CACNA2D2: variants seen among roughly 807,000 people sequenced by gnomAD.
CACNA2D2 encodes voltage-dependent calcium channel subunit alpha-2/delta-2.
Under a neutral mutation model 166.4 loss-of-function variants are expected in CACNA2D2, and 48 were observed. The observed-to-expected ratio is 0.29, with a 90% CI of 0.23 to 0.37. The LOEUF (loss-of-function observed/expected upper bound fraction) is 0.37, where lower values mean the gene tolerates loss of function less well. Ranked by LOEUF, CACNA2D2 falls within the 10% of genes least tolerant of loss-of-function variation. The pLI, the probability that CACNA2D2 is intolerant of heterozygous loss-of-function variation, is 1.00. For synonymous variants in CACNA2D2, 561 were observed against 573.7 expected (o/e 0.98, Z 0.32); for missense variants, 1,122 against 1,433.0 (o/e 0.78, Z 3.50).
Position 50,378,337 on chromosome 3 carries a change from T to C in CACNA2D2, c.1340-4A>G. ...GAAGGGATCTCAAAATAGTAGCCTG[T>C]GAAGGAAGGAGAGGCAGAGGTGGGC... On this transcript the variant is annotated splice_polypyrimidine_tract_variant and splice_region_variant and intron_variant, in intron 13 of 37. Coordinates refer to ENST00000424201, the MANE Select transcript of CACNA2D2 (RefSeq NM_006030.4). 7.1e-6 allele frequency: 11 copies of C among 1,551,588 alleles called. No homozygotes were observed. The highest frequency in any genetic ancestry group is 9.6e-6 in the Non-Finnish European group (11 of 1,147,116).
At chr3:50,484,774 C>T (rs923351418) in intron 1 of CACNA2D2, among the ~76,000 whole-genome samples, 3 of 152,370 alleles carry the variant, frequency 2.0e-5, no homozygotes, top group Admixed American at 6.5e-5. Context: ...GGCTGTGAGC[C>T]CTGAGCCAGG....
At chr3:50,406,916 C>T (rs1706740408) in intron 3 of CACNA2D2, among the ~76,000 whole-genome samples, 2 of 151,860 alleles carry the variant, frequency 1.3e-5, no homozygotes, top group South Asian at 2.1e-4. Context: ...ACAACTCATT[C>T]TTCACCTTTC....
chr3:50,482,155 G>T (rs1051275489), intron 1 of CACNA2D2, among the ~76,000 whole-genome samples: 1 of 152,190 alleles, frequency 6.6e-6, no homozygotes, highest in Non-Finnish European at 1.5e-5. Context: ...CCTGGAGAAG[G>T]CGTGCTTCCC....
In CACNA2D2 at chr3:50,447,640, G is replaced by A. The variant is rs191916052; in HGVS notation, c.289-13211C>T. Among the ~76,000 whole-genome samples, 29 of 152,252 alleles carry A rather than the reference G, an allele frequency of 1.9e-4. No individual in the cohort carries two copies. In the East Asian group the frequency reaches 4.3e-3, roughly 22 times the overall value. ...AGTCCGCCCCTGGGGCCTGCAGGGC[G>A]TGACTGGGGCAAGTGGCCTGAGTTG... On this transcript the variant is annotated intron_variant, in intron 2 of 37. Coordinates refer to ENST00000424201, the MANE Select transcript of CACNA2D2 (RefSeq NM_006030.4).
At chr3:50,499,885 G>C (rs754969311) in intron 1 of CACNA2D2, among the ~76,000 whole-genome samples, 2 of 152,260 alleles carry the variant, frequency 1.3e-5, no homozygotes, top group Admixed American at 6.5e-5. Context: ...CAGCAGCCAA[G>C]GGTCCCCCCA....
At chr3:50,462,877 A>T (rs1389647617) in intron 2 of CACNA2D2, among the ~76,000 whole-genome samples, 1 of 147,734 alleles carries the variant, frequency 6.8e-6, no homozygotes, top group African/African-American at 2.7e-5. Context: ...TCCATCTAGA[A>T]ATATAAGAAA....
In CACNA2D2 at chr3:50,379,493, A is replaced by G; in HGVS notation, c.1091T>C (p.Val364Ala). Residue 364 changes from valine to alanine, a missense_variant, in exon 11 of 38, where the codon GTG (valine) becomes GCG (alanine). Val to Ala is a moderately conservative substitution (Grantham distance 64). Transcript: ENST00000424201. The surrounding 1 kb of genome is among the most constrained non-coding windows in gnomAD (Gnocchi z 6.5). ...CTTGTAGCCTGTGGTGCCCTTGGCC[A>G]CCATGCCCTGCACAGCTTCCTTGAA... Reference protein sequence around the residue: ...KVFKEAVQGMVAKGTTGYKAG... With the variant: ...KVFKEAVQGMAAKGTTGYKAG... 6.2e-7 allele frequency: 1 copy of G among 1,613,982 alleles called. No homozygotes were observed. The highest frequency in any genetic ancestry group is 1.1e-5 in the South Asian group (1 of 91,076).
At chr3:50,386,634 C>T (rs1291478665) in intron 5 of CACNA2D2, among the ~76,000 whole-genome samples, 2 of 152,208 alleles carry the variant, frequency 1.3e-5, no homozygotes, top group African/African-American at 2.4e-5. Flanking sequence ...GTGGATCCTG[C>T]ACAGGGATCC....
rs587773630 is a variant in CACNA2D2, at chr3:50,375,519, T to A, written c.1907+125A>T. 3 of 958,178 alleles carry A rather than the reference T, an allele frequency of 3.1e-6. No homozygotes were observed. In the East Asian group the frequency reaches 7.3e-5, roughly 23 times the overall value. 59.4% of individuals were successfully genotyped at this position (958,178 alleles called of 1,614,324 possible). ...AGACTAAGCATCTCAGGGTGAGTAG[T>A]GAGCAGCCCTGGCCACTGGTGCCCC... On this transcript the variant is annotated intron_variant, in intron 21 of 37. Transcript: ENST00000424201. The surrounding 1 kb of genome is among the most constrained non-coding windows in gnomAD (Gnocchi z 4.0).
Position 50,380,596 on chromosome 3 carries a change from C to A in CACNA2D2, c.842+152G>T. On this transcript the variant is annotated intron_variant, in intron 8 of 37. Transcript: ENST00000424201. This position sits in a 1 kb window ranked among gnomAD's most constrained non-coding sequence, Gnocchi z 4.9. The stretch of plus-strand genomic sequence containing the variant: ...GGGAGGCCTGCCTGGGTGATGGGAT[C>A]CATTTTCCAGTGGCAACCATGTGTG... 1.5e-6 allele frequency: 1 copy of A among 654,150 alleles called. No individual in the cohort carries two copies. Among genetic ancestry groups the A allele is most frequent in the Middle Eastern group, 2.6e-4 (1 of 3,788 alleles). The allele number at this position is 654,150 out of a possible 1,614,324, so 40.5% of individuals were successfully genotyped here.
At chr3:50,469,020 G>T (rs1259141533) in intron 2 of CACNA2D2, among the ~76,000 whole-genome samples, 1 of 151,978 alleles carries the variant, frequency 6.6e-6, no homozygotes, top group Non-Finnish European at 1.5e-5. Context: ...GTATAGACAG[G>T]GTTTTGCTAT....
chr3:50,453,238 C>A (rs904982094), intron 2 of CACNA2D2, among the ~76,000 whole-genome samples: 1 of 152,178 alleles, frequency 6.6e-6, no homozygotes, highest in Non-Finnish European at 1.5e-5. Context: ...CTCCAGGAAG[C>A]CTTCCCTAAA....
chr3:50,476,690 C>T (rs1697789764), intron 1 of CACNA2D2, among the ~76,000 whole-genome samples: 1 of 152,210 alleles, frequency 6.6e-6, no homozygotes, highest in Non-Finnish European at 1.5e-5. Context: ...GGGCAGGTCC[C>T]TGCCCCTCTA....
At chr3:50,459,604 A>G (rs4688720) in intron 2 of CACNA2D2, among the ~76,000 whole-genome samples, 20,355 of 152,164 alleles carry the variant, frequency 0.13, 2,269 homozygotes, top group East Asian at 0.41. Flanking sequence ...CAGGGCCCTG[A>G]GGCCTCCAGC....
intron 3 of CACNA2D2, among the ~76,000 whole-genome samples, chr3:50,417,022 G>C (rs750526064): frequency 1.2e-4 from 18 of 152,218 alleles, no homozygotes; most frequent in Non-Finnish European, 2.5e-4. Flanking sequence ...GTTGCAGACA[G>C]GGGAAGAACA....
intron 1 of CACNA2D2, among the ~76,000 whole-genome samples, chr3:50,484,284 T>C (rs909630884): frequency 6.6e-6 from 1 of 152,156 alleles, no homozygotes; most frequent in African/African-American, 2.4e-5. Context: ...CGGGCACCCA[T>C]CAGGGTTCCT....
In CACNA2D2 at chr3:50,366,452, G is replaced by T; in HGVS notation, c.2638-114C>A. On this transcript the variant is annotated intron_variant, in intron 30 of 37. Transcript: ENST00000424201. The surrounding 1 kb of genome is among the most constrained non-coding windows in gnomAD (Gnocchi z 5.9). ...GCATCACTCCCCCAGTCCTGGGAAGGCTGTGAAGTCAGGGTGGGGATGTTG... is the reference window on the plus strand; with the variant it reads ...GCATCACTCCCCCAGTCCTGGGAAGTCTGTGAAGTCAGGGTGGGGATGTTG... 6.8e-7 allele frequency: 1 copy of T among 1,463,664 alleles called. No individual in the cohort carries two copies. The highest frequency in any genetic ancestry group is 9.6e-7 in the Non-Finnish European group (1 of 1,044,034). 90.7% of individuals were successfully genotyped at this position (1,463,664 alleles called of 1,614,324 possible).
At position 50,478,120 on chromosome 3, in the gene CACNA2D2, G is replaced by A. The variant is rs949809072; in HGVS notation, c.207-1921C>T. On this transcript the variant is annotated intron_variant, in intron 1 of 37. Coordinates refer to ENST00000424201, the MANE Select transcript of CACNA2D2 (RefSeq NM_006030.4). ...GCTTGTTGCTGGCTGAGCCACAGCCGGATTCCCTCCTCCGCTCCCCACCAC... is the reference window on the plus strand; with the variant it reads ...GCTTGTTGCTGGCTGAGCCACAGCCAGATTCCCTCCTCCGCTCCCCACCAC... Among the ~76,000 whole-genome samples the A allele has an allele frequency of 5.3e-5, 8 of 152,306 alleles. 1 individual carries two copies. The South Asian group carries it at 6.2e-4, about 12-fold the overall frequency.
In CACNA2D2 at chr3:50,366,979, C is replaced by A. The variant is rs750129920; in HGVS notation, c.2500+32G>T. 1 of 1,613,032 alleles carries A rather than the reference C, an allele frequency of 6.2e-7. No homozygotes were observed. Among genetic ancestry groups the A allele is most frequent in the East Asian group, 2.2e-5 (1 of 44,868 alleles). ...TGCCCAGGCAGTACCCTGTCCATTG[C>A]CTGTTTCCCCACCTCTGTCCCAAAC... On this transcript the variant is annotated intron_variant, in intron 28 of 37. Coordinates refer to ENST00000424201, the MANE Select transcript of CACNA2D2 (RefSeq NM_006030.4). The surrounding 1 kb of genome is among the most constrained non-coding windows in gnomAD (Gnocchi z 5.9).
Sources: allele counts gnomAD v4.1 joint callset (sites outside exome capture counted in the v4.1 genomes callset), GRCh38; gene constraint gnomAD v4.1.1; non-coding constraint Gnocchi (gnomAD v3.1); transcripts MANE v1.5; gene names NCBI Gene and HGNC (gene_info 2026-07-23, HGNC 2026-07-21).